Variants in SLC19A1 observed in about 807,000 individuals in gnomAD.
The protein encoded by SLC19A1 is reduced folate transporter.
SLC19A1 carries 37 observed loss-of-function variants against 35.3 expected under a neutral mutation model. The observed-to-expected ratio is 1.05, with a 90% CI of 0.81 to 1.38. The LOEUF (loss-of-function observed/expected upper bound fraction) is 1.38. Ranked by LOEUF, SLC19A1 falls within the 40% of genes most tolerant of loss-of-function variation. The pLI, the probability that SLC19A1 is intolerant of heterozygous loss-of-function variation, is 0.00. For missense variants in SLC19A1, 831 were observed against 826.9 expected, an observed-to-expected ratio of 1.00 and a Z score of -0.06; for synonymous variants, 460 against 398.5, an observed-to-expected ratio of 1.15 and a Z score of -1.84.
rs750941598 is a variant in SLC19A1 at position 45,530,994 on chromosome 21, T to A, written c.950-23A>T. ...CGCCTGAGAGGGGAGGGATGGGGCGTTGCAGCGGCCCTGGGGGGCCACGGG... is the reference window on the plus strand; with the variant it reads ...CGCCTGAGAGGGGAGGGATGGGGCGATGCAGCGGCCCTGGGGGGCCACGGG... On this transcript the variant is annotated intron_variant, in intron 3 of 5. Transcript: ENST00000311124. The surrounding 1 kb of genome is among the most constrained non-coding windows in gnomAD (Gnocchi z 5.3). 1 of 1,413,582 alleles carries A rather than the reference T, an allele frequency of 7.1e-7. No homozygotes were observed. The highest frequency in any genetic ancestry group is 9.2e-7 in the Non-Finnish European group (1 of 1,086,690). The allele number at this position is 1,413,582 out of a possible 1,614,324, so 87.6% of individuals were successfully genotyped here. A position where few individuals can be genotyped will look rare whatever the true frequency, so the allele number is the denominator to read the frequency against.
chr21:45,535,076 C>G (rs1337728558), intron 2 of SLC19A1, among the ~76,000 whole-genome samples: 1 of 152,248 alleles, frequency 6.6e-6, no homozygotes, highest in Non-Finnish European at 1.5e-5. Flanking sequence ...GGCAGCAGGA[C>G]TGGATGCCAC....
Position 45,533,123 on chromosome 21 carries a change from G to C in SLC19A1, c.190-975C>G, listed in dbSNP as rs929392470. 6.6e-6 allele frequency among the ~76,000 whole-genome samples: 1 copy of C among 152,210 alleles called. No homozygotes were observed. The highest frequency in any genetic ancestry group is 2.4e-5 in the African/African-American group (1 of 41,454). On this transcript the variant is annotated intron_variant, in intron 2 of 5. Transcript: ENST00000311124. The surrounding 1 kb of genome is among the most constrained non-coding windows in gnomAD (Gnocchi z 4.5). The stretch of plus-strand genomic sequence containing the variant: ...GTAGCCGCCCTGCACCCTCCCAGGA[G>C]GGGGAGCACAGGCTGTCAGCCTGCC...
intron 5 of SLC19A1, among the ~76,000 whole-genome samples, chr21:45,524,894 T>A (rs1218772730): frequency 1.3e-5 from 2 of 152,204 alleles, no homozygotes; most frequent in Non-Finnish European, 2.9e-5. Context: ...TCACCCGCCC[T>A]GAGTGTTCAC....
downstream of SLC19A1, among the ~76,000 whole-genome samples, chr21:45,509,029 C>G (rs1882077033): frequency 6.6e-6 from 1 of 152,018 alleles, no homozygotes; most frequent in Admixed American, 6.5e-5. Context: ...CGAAGGTCGC[C>G]GTGTTGAGGT....
chr21:45,523,873 C>T (rs919556378), intron 5 of SLC19A1, among the ~76,000 whole-genome samples: 2 of 152,182 alleles, frequency 1.3e-5, no homozygotes, highest in Admixed American at 6.5e-5. Context: ...GACCTCCTCC[C>T]GGGTGCTGGA....
At chr21:45,536,824 G>C (rs1222623827) in intron 2 of SLC19A1, among the ~76,000 whole-genome samples, 1 of 152,158 alleles carries the variant, frequency 6.6e-6, no homozygotes, top group Non-Finnish European at 1.5e-5. Flanking sequence ...CTGGGATGGG[G>C]TGTCGGGGTG....
chr21:45,506,770 ACCCTCCCACCTTCCCTCTGGAG>A (rs748750427), intron 3 of SLC19A1: 8,962 of 47,434 alleles, frequency 0.19, 324 homozygotes, highest in Admixed American at 0.32. Context: ...TCCCTCTGGA[ACCCTCCCACCTTCCCTCTGGAG>A]CCCTCCCACC....
At position 45,530,928 on chromosome 21, in the gene SLC19A1, C is replaced by G; in HGVS notation, c.993G>C (p.Trp331Cys). Reference protein sequence around the residue: ...SFAAGFVKIRWARWSKLLIAG... With the variant: ...SFAAGFVKIRCARWSKLLIAG... ...CGATGAGCAGCTTGGACCAGCGCGC[C>G]CAGCGGATCTTCACGAAGCCCGCGG... is the stretch of plus-strand genomic sequence containing the variant. The change falls in exon 4 of 6, where the codon TGG (tryptophan) becomes TGC (cysteine). Residue 331 changes from tryptophan to cysteine, a missense_variant. Coordinates refer to ENST00000311124, the MANE Select transcript of SLC19A1 (RefSeq NM_194255.4). This position sits in a 1 kb window ranked among gnomAD's most constrained non-coding sequence, Gnocchi z 5.3. 1 of 1,459,358 alleles carries G rather than the reference C, an allele frequency of 6.9e-7. No homozygotes were observed. Among genetic ancestry groups the G allele is most frequent in the South Asian group, 1.4e-5 (1 of 70,420 alleles). The allele number at this position is 1,459,358 out of a possible 1,614,324, so 90.4% of individuals were successfully genotyped here. A position where few individuals can be genotyped will look rare whatever the true frequency, so the allele number is the denominator to read the frequency against.
At chr21:45,525,702 C>T in intron 5 of SLC19A1, 115 bp downstream of exon 5, 1 of 1,244,292 alleles carries the variant, frequency 8.0e-7, no homozygotes, top group Non-Finnish European at 1.1e-6. Context: ...CCCAGGCCCG[C>T]ACCCTGTGCC....
chr21:45,506,871 C>T (rs2037240460), intron 3 of SLC19A1: 1 of 190,748 alleles, frequency 5.2e-6, no homozygotes, highest in Non-Finnish European at 1.1e-5. Context: ...TGCAGCACCC[C>T]AGACAGTGAA....
At chr21:45,541,568 G>A (rs73228796) in intron 1 of SLC19A1, among the ~76,000 whole-genome samples, 52 of 152,380 alleles carry the variant, frequency 3.4e-4, no homozygotes, top group Non-Finnish European at 6.6e-4. Context: ...ACCCTAGGGG[G>A]ATGGCTTTCC....
chr21:45,542,920 CA>C (rs1387989572), upstream of SLC19A1, among the ~76,000 whole-genome samples: 1 of 152,122 alleles, frequency 6.6e-6, no homozygotes, highest in Non-Finnish European at 1.5e-5. Flanking sequence ...CACGCGCCCT[CA>C]GGGGTGGCCC....
At chr21:45,503,276 GATGGT>G (rs10537347) in intron 3 of SLC19A1, among the ~76,000 whole-genome samples, 69,050 of 151,016 alleles carry the variant, frequency 0.46, 15,876 homozygotes, top group Middle Eastern at 0.52. Flanking sequence ...ACTGGTGTGA[GATGGT>G]ATCTCATTGT....
At chr21:45,522,664 G>GC (rs1435350070) in intron 5 of SLC19A1, among the ~76,000 whole-genome samples, 2 of 152,218 alleles carry the variant, frequency 1.3e-5, no homozygotes, top group Non-Finnish European at 2.9e-5. Flanking sequence ...GAAGGAATCA[G>GC]CCACAGCCAC....
At chr21:45,521,846 C>T (rs772800816) in intron 5 of SLC19A1, among the ~76,000 whole-genome samples, 2 of 152,172 alleles carry the variant, frequency 1.3e-5, no homozygotes, top group Non-Finnish European at 2.9e-5. Context: ...AACTTCACAT[C>T]TTATACAAAA....
At chr21:45,528,649 T>G (rs1029018888) in intron 4 of SLC19A1, among the ~76,000 whole-genome samples, 16 of 152,196 alleles carry the variant, frequency 1.1e-4, no homozygotes, top group Admixed American at 9.8e-4. Context: ...GGAATCCACC[T>G]GAGGGTCATT....
Position 45,514,868 on chromosome 21 carries a change from G to T in SLC19A1, c.*790C>A. On this transcript the variant is annotated 3_prime_UTR_variant, in exon 6 of 6. Coordinates refer to ENST00000311124, the MANE Select transcript of SLC19A1 (RefSeq NM_194255.4). ...CCACAAAGGCAGCCCCCCCAAGGCTGCCCAGCCCAGGCAAGCCTGGCACAT... is the reference window on the plus strand; with the variant it reads ...CCACAAAGGCAGCCCCCCCAAGGCTTCCCAGCCCAGGCAAGCCTGGCACAT... The T allele has an allele frequency of 2.3e-6, 2 of 858,156 alleles. No homozygotes were observed. Among genetic ancestry groups the T allele is most frequent in the Non-Finnish European group, 3.4e-6 (2 of 590,186 alleles). The allele number at this position is 858,156 out of a possible 1,614,324, so 53.2% of individuals were successfully genotyped here. A position where few individuals can be genotyped will look rare whatever the true frequency, so the allele number is the denominator to read the frequency against.
At chr21:45,538,405 C>T (rs2078203297) in intron 1 of SLC19A1, among the ~76,000 whole-genome samples, 1 of 152,234 alleles carries the variant, frequency 6.6e-6, no homozygotes, top group Non-Finnish European at 1.5e-5. Flanking sequence ...TCAGGGGGCA[C>T]ACCTCACCCC....
rs865978479 is a variant in SLC19A1 at position 45,503,999 on chromosome 21, T to C, written c.498-5387A>G. ...CCACCTCAGCGAGACCCCGCCTGTCTCTCTCTTGCAGGGCAGTTTCCGTTT... is the reference window on the plus strand; with the variant it reads ...CCACCTCAGCGAGACCCCGCCTGTCCCTCTCTTGCAGGGCAGTTTCCGTTT... On this transcript the variant is annotated intron_variant, in intron 3 of 4. Transcript: ENST00000417954. 4.4e-6 allele frequency: 7 copies of C among 1,609,134 alleles called. No individual in the cohort carries two copies. The highest frequency in any genetic ancestry group is 2.2e-5 in the South Asian group (2 of 91,068).
Sources: gnomAD v4.1 joint callset for allele counts (sites outside exome capture counted in the v4.1 genomes callset) on GRCh38, gnomAD v4.1.1 for gene constraint, Gnocchi (gnomAD v3.1) non-coding constraint, MANE v1.5 for transcripts, NCBI Gene and HGNC (gene_info 2026-07-23, HGNC 2026-07-21) for gene names.